ARHGAP26: variants seen among roughly 807,000 people sequenced by gnomAD.
ARHGAP26 encodes Rho GTPase activating protein 26, also known as rho GTPase-activating protein 26.
Under a neutral mutation model 104.8 loss-of-function variants are expected in ARHGAP26, and 38 were observed. That is an observed-to-expected ratio of 0.36 (90% CI 0.28 to 0.48). The LOEUF is 0.48. Among genes scored for constraint, ARHGAP26 ranks in the 20% least tolerant of loss-of-function variants. The pLI, the probability that ARHGAP26 is intolerant of heterozygous loss-of-function variation, is 0.99. For synonymous variants in ARHGAP26, 341 were observed against 340.0 expected, an observed-to-expected ratio of 1.00 and a Z score of -0.03; for missense variants, 704 against 947.9, an observed-to-expected ratio of 0.74 and a Z score of 3.38.
At chr5:143,059,140 A>G (rs1229524217) in intron 17 of ARHGAP26, among the ~76,000 whole-genome samples, 1 of 152,192 alleles carries the variant, frequency 6.6e-6, no homozygotes, top group Non-Finnish European at 1.5e-5. Context: ...TAGTTGCAAA[A>G]CTTTGCACAC....
chr5:143,081,415 A>G (rs1789791111), intron 17 of ARHGAP26, among the ~76,000 whole-genome samples: 1 of 152,204 alleles, frequency 6.6e-6, no homozygotes, highest in African/African-American at 2.4e-5. Context: ...CTGTTTGGGG[A>G]ATATATTACT....
In ARHGAP26 at chr5:142,801,443, G is replaced by C. The variant is rs529957985; in HGVS notation, c.154+30528G>C. On this transcript the variant is annotated intron_variant, in intron 1 of 22. Transcript: ENST00000645722. The stretch of plus-strand genomic sequence containing the variant: ...TGTGCCACCATCTCTTTTTTTTTTA[G>C]ATGAGGAAAGACATGAGATCCATGG... Among the ~76,000 whole-genome samples the C allele has an allele frequency of 2.2e-3, 331 of 151,176 alleles. 2 individuals carry two copies. Among genetic ancestry groups the C allele is most frequent in the Non-Finnish European group, 3.3e-3 (225 of 67,810 alleles).
chr5:143,164,205 G>T (rs933045588), intron 20 of ARHGAP26, among the ~76,000 whole-genome samples: 1 of 152,080 alleles, frequency 6.6e-6, no homozygotes, highest in South Asian at 2.1e-4. Context: ...ATATGGAAAA[G>T]GAAAGTTTTG....
At chr5:142,881,601 G>C (rs1449869672) in intron 4 of ARHGAP26, among the ~76,000 whole-genome samples, 2 of 152,082 alleles carry the variant, frequency 1.3e-5, no homozygotes, top group Non-Finnish European at 2.9e-5. Flanking sequence ...TGACATTTGG[G>C]TGATGTCTCA....
chr5:143,157,494 G>T (rs1169840660), intron 20 of ARHGAP26, among the ~76,000 whole-genome samples: 1 of 152,074 alleles, frequency 6.6e-6, no homozygotes, highest in East Asian at 1.9e-4. Flanking sequence ...ACAAATTATT[G>T]ACTAGAGAAC....
intron 14 of ARHGAP26, among the ~76,000 whole-genome samples, chr5:143,052,245 G>T (rs1785149428): frequency 6.6e-6 from 1 of 152,146 alleles, no homozygotes; most frequent in Admixed American, 6.5e-5. Context: ...GCCGAGGCGG[G>T]CGGATCTCGA....
chr5:143,036,448 C>T (rs1030051000), intron 12 of ARHGAP26, among the ~76,000 whole-genome samples: 7 of 152,180 alleles, frequency 4.6e-5, no homozygotes, highest in African/African-American at 1.7e-4. Flanking sequence ...CTCATTTCCC[C>T]CTAGAGGATG....
intron 20 of ARHGAP26, among the ~76,000 whole-genome samples, chr5:143,189,143 T>G (rs1189303179): frequency 1.3e-5 from 2 of 152,234 alleles, no homozygotes; most frequent in African/African-American, 4.8e-5. Context: ...GACAGGCCAA[T>G]GTTTACCACT....
At chr5:142,961,597 T>C (rs1442072616) in intron 11 of ARHGAP26, among the ~76,000 whole-genome samples, 1 of 152,188 alleles carries the variant, frequency 6.6e-6, no homozygotes, top group African/African-American at 2.4e-5. Flanking sequence ...TATCAGCCTG[T>C]CACCTGACCT....
At chr5:143,122,604 C>T (rs1796278475) in intron 18 of ARHGAP26, among the ~76,000 whole-genome samples, 1 of 152,160 alleles carries the variant, frequency 6.6e-6, no homozygotes, top group Non-Finnish European at 1.5e-5. Flanking sequence ...AATGAATATT[C>T]CAGGAGCTGA....
intron 1 of ARHGAP26, among the ~76,000 whole-genome samples, chr5:142,799,281 A>T (rs936521441): frequency 4.6e-5 from 7 of 152,046 alleles, no homozygotes; most frequent in Admixed American, 2.6e-4. Context: ...ATTCGTTACA[A>T]CTCAGACTAT....
intron 17 of ARHGAP26, among the ~76,000 whole-genome samples, chr5:143,115,086 A>T (rs1795255870): frequency 6.6e-6 from 1 of 152,142 alleles, no homozygotes; most frequent in Non-Finnish European, 1.5e-5. Context: ...TAATTCCAGC[A>T]CTTTGGGAGG....
At chr5:142,838,603 T>C (rs548218956) in intron 1 of ARHGAP26, among the ~76,000 whole-genome samples, 1 of 152,342 alleles carries the variant, frequency 6.6e-6, no homozygotes, top group African/African-American at 2.4e-5. Flanking sequence ...TCAAGATGGT[T>C]GTGACCATTA....
chr5:142,958,531 G>T (rs1307820601), intron 11 of ARHGAP26, among the ~76,000 whole-genome samples: 2 of 152,044 alleles, frequency 1.3e-5, no homozygotes, highest in African/African-American at 4.8e-5. Flanking sequence ...AGCTGGTTGT[G>T]GTGGCATGTG....
chr5:143,220,506 T>G (rs1390134184), intron 22 of ARHGAP26, among the ~76,000 whole-genome samples: 3 of 152,180 alleles, frequency 2.0e-5, no homozygotes, highest in Non-Finnish European at 4.4e-5. Context: ...GTGCAGAAAC[T>G]GAAGTGATCT....
intron 20 of ARHGAP26, among the ~76,000 whole-genome samples, chr5:143,196,312 A>G (rs890720055): frequency 2.0e-5 from 3 of 152,066 alleles, no homozygotes; most frequent in African/African-American, 4.8e-5. Context: ...GTTTTTATTT[A>G]TATTTTAACC....
At chr5:142,931,322 C>G (rs571817873) in intron 10 of ARHGAP26, among the ~76,000 whole-genome samples, 1 of 152,266 alleles carries the variant, frequency 6.6e-6, no homozygotes, top group South Asian at 2.1e-4. Context: ...ATGGCGCAGT[C>G]TCTTTTTCTT....
At chr5:143,070,780 T>G (rs1788131029) in intron 17 of ARHGAP26, among the ~76,000 whole-genome samples, 1 of 151,960 alleles carries the variant, frequency 6.6e-6, no homozygotes, top group Non-Finnish European at 1.5e-5. Flanking sequence ...CATGGTGGTG[T>G]GCACCTGTAG....
chr5:142,929,007 G>A (rs1205123392), intron 10 of ARHGAP26, among the ~76,000 whole-genome samples: 1 of 152,120 alleles, frequency 6.6e-6, no homozygotes, highest in East Asian at 1.9e-4. Context: ...GCATGATCTT[G>A]GCTCACTGCA....
Sources: allele counts gnomAD v4.1 joint callset (sites outside exome capture counted in the v4.1 genomes callset), GRCh38; gene constraint gnomAD v4.1.1; transcripts MANE v1.5; gene names NCBI Gene and HGNC (gene_info 2026-07-23, HGNC 2026-07-21).